SAMD3: variants seen among roughly 807,000 people sequenced by gnomAD.
SAMD3 encodes the protein sterile alpha motif domain-containing protein 3.
A neutral mutation model predicts 58.5 loss-of-function variants in SAMD3; 63 were observed. The ratio of observed to expected loss-of-function variants is 1.08; its 90% CI spans 0.88 to 1.33. The LOEUF (loss-of-function observed/expected upper bound fraction) is 1.33. SAMD3 is among the 40% of genes most tolerant of loss of function. The pLI is 0.00. For synonymous variants in SAMD3, 220 were observed against 210.3 expected (o/e 1.05, Z -0.40); for missense variants, 604 against 608.4 (o/e 0.99, Z 0.08).
chr6:130,238,731 A>C (rs1373807938), intron 2 of SAMD3, among the ~76,000 whole-genome samples: 1 of 152,122 alleles, frequency 6.6e-6, no homozygotes, highest in Non-Finnish European at 1.5e-5. Flanking sequence ...AAGACAAGGT[A>C]GATGGGAGAA....
chr6:130,148,344 G>T lies in SAMD3; in HGVS notation c.1024-2163C>A, dbSNP rs140793725. On this transcript the variant is annotated intron_variant, in intron 9 of 11. Coordinates refer to ENST00000439090, the MANE Select transcript of SAMD3 (RefSeq NM_001017373.4). ...CCTTTCATTATTTATAGAATTGCTC[G>T]AATTGCCCAGACTTGGCCAGTAGGA... Among the ~76,000 whole-genome samples, 208 of 152,262 alleles carry T rather than the reference G, an allele frequency of 1.4e-3. 2 individuals are homozygous for T. Among genetic ancestry groups the T allele is most frequent in the Middle Eastern group, 0.01 (3 of 294 alleles).
At position 130,351,198 on chromosome 6, in the gene SAMD3, A is replaced by G. The variant is rs146760192; in HGVS notation, c.-304+13922T>C. 5.5e-3 allele frequency among the ~76,000 whole-genome samples: 831 copies of G among 152,346 alleles called. 2 individuals carry two copies. The highest frequency in any genetic ancestry group is 0.014 in the Middle Eastern group (4 of 294). ...CTTTTTGTCTAAAACACCAAAAGCA[A>G]TGGCAACAAAAGCCAAAATTAACAA... On this transcript the variant is annotated intron_variant, in intron 1 of 13. Transcript: ENST00000368134.
At chr6:130,352,540 C>A (rs1260181502) in intron 1 of SAMD3, among the ~76,000 whole-genome samples, 3 of 152,144 alleles carry the variant, frequency 2.0e-5, no homozygotes, top group Non-Finnish European at 4.4e-5. Flanking sequence ...CTGATCCACA[C>A]ATCTAAGTGC....
chr6:130,316,345 G>A (rs963013024), intron 1 of SAMD3, among the ~76,000 whole-genome samples: 40 of 146,714 alleles, frequency 2.7e-4, no homozygotes, highest in Non-Finnish European at 5.7e-4. Flanking sequence ...AAGGAAGGAA[G>A]GATAAGAAAA....
chr6:130,336,062 C>G (rs1224536998), intron 1 of SAMD3, among the ~76,000 whole-genome samples: 1 of 152,010 alleles, frequency 6.6e-6, no homozygotes, highest in Non-Finnish European at 1.5e-5. Flanking sequence ...ATACCTAAAG[C>G]TAAATGATGA....
chr6:130,207,818 T>C (rs546930788), intron 5 of SAMD3, among the ~76,000 whole-genome samples: 2 of 152,268 alleles, frequency 1.3e-5, no homozygotes, highest in African/African-American at 4.8e-5. Context: ...GCACTGAGGC[T>C]GTGGGGCTAG....
At chr6:130,350,857 G>A (rs989604602) in intron 1 of SAMD3, among the ~76,000 whole-genome samples, 5 of 152,246 alleles carry the variant, frequency 3.3e-5, no homozygotes, top group African/African-American at 9.6e-5. Context: ...AAAACAGCAT[G>A]GTACTAGTAC....
At chr6:130,190,054 G>C (rs1169270019) in intron 5 of SAMD3, among the ~76,000 whole-genome samples, 1 of 152,184 alleles carries the variant, frequency 6.6e-6, no homozygotes, top group Admixed American at 6.5e-5. Context: ...AAAAGAATGA[G>C]CTAATGAGGG....
chr6:130,214,566 C>A (rs114258820), intron 3 of SAMD3, 40 bp from the exon 4 acceptor site: 1 of 1,483,138 alleles, frequency 6.7e-7, no homozygotes, highest in Non-Finnish European at 9.0e-7. Flanking sequence ...CATGACTTTC[C>A]GGCAAAACAC....
At chr6:130,219,780 C>T (rs1796142443) in intron 1 of SAMD3, among the ~76,000 whole-genome samples, 1 of 152,080 alleles carries the variant, frequency 6.6e-6, no homozygotes, top group African/African-American at 2.4e-5. Context: ...GAGAATTGTG[C>T]TGAAACAGCC....
At chr6:130,324,788 A>C (rs1209719825) in intron 1 of SAMD3, among the ~76,000 whole-genome samples, 1 of 145,514 alleles carries the variant, frequency 6.9e-6, no homozygotes, top group African/African-American at 2.6e-5. Context: ...TTTTTTTTGG[A>C]ATAGAAAAAT....
intron 9 of SAMD3, among the ~76,000 whole-genome samples, chr6:130,147,941 G>A (rs565927362): frequency 4.6e-5 from 7 of 152,156 alleles, no homozygotes; most frequent in African/African-American, 9.7e-5. Context: ...CACTGTGTCC[G>A]GAAGCACAAA....
intron 5 of SAMD3, among the ~76,000 whole-genome samples, chr6:130,198,745 T>C (rs948482931): frequency 1.3e-5 from 2 of 152,146 alleles, no homozygotes; most frequent in Admixed American, 1.3e-4. Flanking sequence ...ACAAAAGGTA[T>C]CTGAGAACTA....
In SAMD3 at chr6:130,303,076, A is replaced by G. The variant is rs79735823; in HGVS notation, c.-188+9902T>C. Reference sequence around the variant, plus strand: ...CTGAATCTATAATACAATAATACTCAGTACCACATATTACTGTTCCTAGAG... The same window carrying G: ...CTGAATCTATAATACAATAATACTCGGTACCACATATTACTGTTCCTAGAG... On this transcript the variant is annotated intron_variant, in intron 2 of 13. Coordinates refer to the SAMD3 transcript ENST00000368134. Among the ~76,000 whole-genome samples, 4 of 152,196 alleles carry G rather than the reference A, an allele frequency of 2.6e-5. No individual in the cohort carries two copies. The East Asian group carries it at 7.7e-4, about 29-fold the overall frequency.
At chr6:130,210,736 G>C (rs1289360720) in intron 4 of SAMD3, among the ~76,000 whole-genome samples, 3 of 152,126 alleles carry the variant, frequency 2.0e-5, no homozygotes, top group Non-Finnish European at 4.4e-5. Context: ...GGGAAGGGAA[G>C]GTTGAACATG....
chr6:130,286,734 T>C (rs1368138464), intron 2 of SAMD3, among the ~76,000 whole-genome samples: 1 of 152,176 alleles, frequency 6.6e-6, no homozygotes, highest in East Asian at 1.9e-4. Context: ...TGTTTTGAGA[T>C]AGAGTCTTGC....
chr6:130,277,092 C>T (rs12193492), intron 2 of SAMD3, among the ~76,000 whole-genome samples: 47,286 of 152,044 alleles, frequency 0.31, 7,725 homozygotes, highest in East Asian at 0.47. Flanking sequence ...CTTATGGCCA[C>T]ATGATTCCTG....
intron 1 of SAMD3, among the ~76,000 whole-genome samples, chr6:130,326,302 T>C (rs1396382261): frequency 6.6e-6 from 1 of 152,056 alleles, no homozygotes; most frequent in Non-Finnish European, 1.5e-5. Flanking sequence ...TCCTGCCATA[T>C]ACCCTGATAT....
chr6:130,146,125 G>A lies in SAMD3; in HGVS notation c.1080C>T (p.His360=), dbSNP rs1449664356. The A allele has an allele frequency of 1.2e-5, 19 of 1,600,914 alleles. No individual in the cohort carries two copies. The highest frequency in any genetic ancestry group is 3.4e-5 in the South Asian group (3 of 88,452). ...TRTDIYKKTR[H]ILESYSENIL... is the part of the protein sequence containing the mutation. ...TATTTTCTGAATAGGATTCCAAAAT[G>A]TGCCTTGTTTTCTTATAAATATCTG... The change falls in exon 10 of 12, where the codon CAC becomes CAT. Residue 360 remains histidine, a synonymous_variant. Coordinates refer to ENST00000439090, the MANE Select transcript of SAMD3 (RefSeq NM_001017373.4).
Sources: allele counts gnomAD v4.1 joint callset (sites outside exome capture counted in the v4.1 genomes callset), GRCh38; gene constraint gnomAD v4.1.1; transcripts MANE v1.5; gene names NCBI Gene and HGNC (gene_info 2026-07-23, HGNC 2026-07-21).